Variants in DCLK1 observed in about 807,000 individuals in gnomAD.
The protein encoded by DCLK1 is serine/threonine-protein kinase DCLK1.
Under a neutral mutation model 86.2 loss-of-function variants are expected in DCLK1, and 16 were observed. The ratio of observed to expected loss-of-function variants is 0.19; its 90% CI spans 0.13 to 0.28. DCLK1 has a LOEUF of 0.28. Among genes scored for constraint, DCLK1 ranks in the 10% least tolerant of loss-of-function variants. The pLI is 1.00. For missense variants in DCLK1, 590 were observed against 940.2 expected (o/e 0.63, Z 4.87); for synonymous variants, 369 against 370.5 (o/e 1.00, Z 0.05).
intron 15 of DCLK1, among the ~76,000 whole-genome samples, chr13:35,795,566 C>A (rs573915744): frequency 3.3e-5 from 5 of 152,110 alleles, no homozygotes; most frequent in Non-Finnish European, 1.5e-5. Context: ...TAGGATTATG[C>A]GTCCAGAGTT....
At chr13:36,095,381 A>G (rs961829604) in intron 3 of DCLK1, among the ~76,000 whole-genome samples, 1 of 151,764 alleles carries the variant, frequency 6.6e-6, no homozygotes, top group Non-Finnish European at 1.5e-5. Context: ...AATATTTTGC[A>G]TTTTTAGTAG....
intron 3 of DCLK1, among the ~76,000 whole-genome samples, chr13:35,967,077 G>A (rs1388438279): frequency 1.3e-4 from 20 of 151,552 alleles, no homozygotes; most frequent in East Asian, 3.9e-4. Flanking sequence ...CTGCCCGGCC[G>A]CCCATCGTCT....
intron 8 of DCLK1, among the ~76,000 whole-genome samples, chr13:35,830,288 G>A (rs184537699): frequency 3.9e-5 from 6 of 152,266 alleles, no homozygotes; most frequent in African/African-American, 1.4e-4. Flanking sequence ...CTACTTGGGA[G>A]GCTGAGGCAG....
At chr13:36,046,717 CG>C in intron 3 of DCLK1, among the ~76,000 whole-genome samples, 1 of 152,188 alleles carries the variant, frequency 6.6e-6, no homozygotes, top group African/African-American at 2.4e-5. Context: ...TAGTAACTCT[CG>C]ACTTAAAATA....
intron 4 of DCLK1, among the ~76,000 whole-genome samples, chr13:35,936,967 T>G (rs1257732155): frequency 1.6e-4 from 1 of 6,406 alleles, no homozygotes; most frequent in African/African-American, 5.6e-4. Flanking sequence ...GTTAGCTTTT[T>G]TTTTTTTTTT....
chr13:36,102,441 T>C (rs1344113508), intron 3 of DCLK1, among the ~76,000 whole-genome samples: 1 of 152,196 alleles, frequency 6.6e-6, no homozygotes, highest in Non-Finnish European at 1.5e-5. Context: ...AAGCATCTAA[T>C]GAGGGTAGTC....
At chr13:36,059,868 CTTT>C (rs57867541) in intron 3 of DCLK1, among the ~76,000 whole-genome samples, 2 of 140,338 alleles carry the variant, frequency 1.4e-5, no homozygotes, top group Non-Finnish European at 1.5e-5. Flanking sequence ...ACTTAAATCT[CTTT>C]TTTTTTTTTT....
intron 15 of DCLK1, among the ~76,000 whole-genome samples, chr13:35,793,725 T>TA (rs35264802): frequency 0.11 from 16,600 of 149,666 alleles, 1,046 homozygotes; most frequent in East Asian, 0.18. Flanking sequence ...GTCTCTAAAT[T>TA]AAAAAAAAAA....
intron 3 of DCLK1, among the ~76,000 whole-genome samples, chr13:36,026,621 C>T (rs1882044368): frequency 6.6e-6 from 1 of 152,038 alleles, no homozygotes. Context: ...AATGTAAACC[C>T]CTTTTAATTA....
intron 3 of DCLK1, among the ~76,000 whole-genome samples, chr13:35,984,143 C>T (rs2153142192): frequency 6.6e-6 from 1 of 152,294 alleles, no homozygotes; most frequent in Non-Finnish European, 1.5e-5. Flanking sequence ...ACAACCAGAG[C>T]CTAAAAGGAT....
intron 4 of DCLK1, among the ~76,000 whole-genome samples, chr13:35,873,930 G>T (rs931759968): frequency 5.3e-5 from 8 of 152,136 alleles, no homozygotes; most frequent in African/African-American, 1.7e-4. Flanking sequence ...TTGTAAGAGT[G>T]CATTCTATAT....
At chr13:36,110,320 C>T (rs1885566192) in intron 3 of DCLK1, among the ~76,000 whole-genome samples, 2 of 152,128 alleles carry the variant, frequency 1.3e-5, no homozygotes, top group African/African-American at 4.8e-5. Flanking sequence ...ATTTAGGCTA[C>T]AGACTCTTAA....
chr13:35,822,412 T>C (rs1409401377), intron 11 of DCLK1, among the ~76,000 whole-genome samples: 1 of 152,176 alleles, frequency 6.6e-6, no homozygotes, highest in Non-Finnish European at 1.5e-5. Context: ...GTGCCTAAGA[T>C]AAATGACATT....
chr13:35,836,638 A>G (rs1345138475), intron 7 of DCLK1, among the ~76,000 whole-genome samples: 1 of 152,210 alleles, frequency 6.6e-6, no homozygotes, highest in East Asian at 1.9e-4. Context: ...AAAATTCCTC[A>G]TGAACTAAGC....
rs1212167823 is a variant in DCLK1 at position 35,773,392 on chromosome 13, G to A, written c.*1143C>T. ...AGGAGACTATATAGGTAACCTAAAG[G>A]TGCACATGGAATTGTCTTGCCAGTG... is the stretch of plus-strand genomic sequence containing the variant. On this transcript the variant is annotated 3_prime_UTR_variant, in exon 17 of 17. Transcript: ENST00000360631. 2.6e-5 allele frequency: 4 copies of A among 151,968 alleles called. No homozygotes were observed. Among genetic ancestry groups the A allele is most frequent in the African/African-American group, 9.7e-5 (4 of 41,278 alleles). 9.4% of individuals were successfully genotyped at this position (151,968 alleles called of 1,614,324 possible).
Position 35,934,252 on chromosome 13 carries a change from C to T in DCLK1, c.823+13106G>A, listed in dbSNP as rs543936159. On this transcript the variant is annotated intron_variant, in intron 4 of 16. Transcript: ENST00000360631. ...TTCTGAGCTCTCCAAACTGTTCCAA[C>T]CTCTGCCTGTTACCCAATTTCAAAG... 5.9e-5 allele frequency among the ~76,000 whole-genome samples: 9 copies of T among 152,338 alleles called. No individual in the cohort carries two copies. In the South Asian group the frequency reaches 1.9e-3, roughly 32 times the overall value.
intron 11 of DCLK1, 80 bp downstream of exon 11, chr13:35,822,649 A>C: frequency 6.3e-7 from 1 of 1,586,320 alleles, no homozygotes; most frequent in Non-Finnish European, 8.6e-7. Flanking sequence ...TAAAAAAAGA[A>C]AGAAAAGAAA....
At chr13:36,055,347 ACT>A (rs1883263884) in intron 3 of DCLK1, among the ~76,000 whole-genome samples, 2 of 151,998 alleles carry the variant, frequency 1.3e-5, no homozygotes, top group Admixed American at 6.6e-5. Context: ...TAATCTATAA[ACT>A]CTAGTTCTAC....
At chr13:36,116,108 C>A (rs975601014) in intron 2 of DCLK1, among the ~76,000 whole-genome samples, 4 of 151,656 alleles carry the variant, frequency 2.6e-5, no homozygotes, top group African/African-American at 9.7e-5. Context: ...CACCACCACA[C>A]CCAGTGAATT....
Sources: gnomAD v4.1 joint callset for allele counts (sites outside exome capture counted in the v4.1 genomes callset) on GRCh38, gnomAD v4.1.1 for gene constraint, MANE v1.5 for transcripts, NCBI Gene and HGNC (gene_info 2026-07-23, HGNC 2026-07-21) for gene names.